The following ALG13 variants were observed in gnomAD, a reference collection of about 807,000 sequenced individuals.
ALG13 encodes the protein UDP-N-acetylglucosamine transferase subunit ALG13.
A neutral mutation model predicts 87.8 loss-of-function variants in ALG13; 11 were observed. That is an observed-to-expected ratio of 0.13 (90% CI 0.08 to 0.21). The LOEUF (loss-of-function observed/expected upper bound fraction) is 0.21. Among genes scored for constraint, ALG13 ranks in the 10% least tolerant of loss-of-function variants. The pLI is 1.00. For missense variants in ALG13, 756 were observed against 866.1 expected, an observed-to-expected ratio of 0.87 and a Z score of 1.60; for synonymous variants, 320 against 306.3, an observed-to-expected ratio of 1.04 and a Z score of -0.47.
rs1267769567 is a variant in ALG13 at position 111,681,242 on chromosome X, A to T, written c.24A>T (p.Val8=). 1 of 1,210,915 alleles carries T rather than the reference A, an allele frequency of 8.3e-7. No individual in the cohort carries two copies. Among genetic ancestry groups the T allele is most frequent in the African/African-American group, 1.7e-5 (1 of 57,515 alleles). The change falls in exon 1 of 27, where the codon GTA becomes GTT. Residue 8 remains valine, a synonymous_variant. Coordinates refer to ENST00000394780, the MANE Select transcript of ALG13 (RefSeq NM_001099922.3). The part of the protein sequence containing the change: MKCVFVT[V]GTTSFDDLIA... ...CCATGAAGTGCGTGTTTGTTACCGT[A>T]GGGACCACCAGCTTTGACGACCTCA...
At chrX:111,744,637 A>T (rs1210536459) in intron 23 of ALG13, 31 bp from the exon 24 acceptor site, 8 of 1,164,284 alleles carry the variant, frequency 6.9e-6, no homozygotes, top group Middle Eastern at 2.3e-4. Context: ...ATAGTTGTGT[A>T]TTGCTACTTT....
chrX:111,686,289 T>A, intron 3 of ALG13: 1 of 366,260 alleles, frequency 2.7e-6, no homozygotes, highest in Non-Finnish European at 4.1e-6. Context: ...TACATTATAG[T>A]AAAATGAAAT....
At chrX:111,755,993 G>T (rs1679744916) in intron 25 of ALG13, among the ~76,000 whole-genome samples, 1 of 112,340 alleles carries the variant, frequency 8.9e-6, no homozygotes, top group Non-Finnish European at 1.9e-5. Context: ...TATTCACAAT[G>T]CCAAAGACTT....
At chrX:111,706,967 ATGT>A (rs972158001) in intron 3 of ALG13, among the ~76,000 whole-genome samples, 1 of 110,098 alleles carries the variant, frequency 9.1e-6, no homozygotes, top group African/African-American at 3.3e-5. Context: ...AAGCAGCTTA[ATGT>A]TGTGCCTTCT....
chrX:111,752,088 A>T (rs899715588), intron 24 of ALG13, among the ~76,000 whole-genome samples: 5 of 111,821 alleles, frequency 4.5e-5, no homozygotes, highest in African/African-American at 1.6e-4. Flanking sequence ...AGTGAGTATT[A>T]GTCTGTACTG....
chrX:111,707,515 A>C (rs966173940), intron 3 of ALG13, among the ~76,000 whole-genome samples: 1 of 111,885 alleles, frequency 8.9e-6, no homozygotes, highest in African/African-American at 3.2e-5. Flanking sequence ...TAGCCTTGGC[A>C]CTTAGCTTGA....
At chrX:111,681,554 C>CT in intron 1 of ALG13, 1 of 961,302 alleles carries the variant, frequency 1.0e-6, no homozygotes, top group African/African-American at 2.0e-5. Context: ...TCTTCAGCTC[C>CT]TTTTCCGGTC....
At chrX:111,683,791 A>G (rs1934206580) in intron 2 of ALG13, among the ~76,000 whole-genome samples, 1 of 112,184 alleles carries the variant, frequency 8.9e-6, no homozygotes. Flanking sequence ...TTGCATATTC[A>G]TGGAGATCTA....
chrX:111,727,747 G>C lies in ALG13; in HGVS notation c.2224G>C (p.Glu742Gln). ...TTTTTATGAAGTTGAAGAAGGGGATGAGACTGCTTATCCAACTTTACCTGT... is the reference window on the plus strand; with the variant it reads ...TTTTTATGAAGTTGAAGAAGGGGATCAGACTGCTTATCCAACTTTACCTGT... ...ITFYEVEEGD[E>Q]TAYPTLPNHG... Residue 742 changes from glutamate to glutamine, a missense_variant, in exon 18 of 27, where the codon GAG becomes CAG. Coordinates refer to ENST00000394780, the MANE Select transcript of ALG13 (RefSeq NM_001099922.3). The C allele has an allele frequency of 8.3e-7, 1 of 1,207,039 alleles. No homozygotes were observed. The highest frequency in any genetic ancestry group is 1.1e-6 in the Non-Finnish European group (1 of 893,758).
intron 26 of ALG13, 68 bp from the exon 27 acceptor site, chrX:111,759,666 T>TA: frequency 1.1e-6 from 1 of 933,448 alleles, no homozygotes; most frequent in Non-Finnish European, 1.5e-6. Context: ...CATCCATTTA[T>TA]GTTGCATGGG....
chrX:111,703,952 G>T lies in ALG13; in HGVS notation c.384-4075G>T, dbSNP rs1938327651. ...AAACTGTTAAACTATTTTCCACAGT[G>T]GTTGTACTATTTTACATTCCCACTA... On this transcript the variant is annotated intron_variant, in intron 3 of 26. Transcript: ENST00000394780. Among the ~76,000 whole-genome samples the T allele has an allele frequency of 2.7e-5, 3 of 112,148 alleles. No individual in the cohort carries two copies. In the South Asian group the frequency reaches 1.1e-3, roughly 41 times the overall value.
chrX:111,748,544 A>G (rs1896405637), intron 24 of ALG13, among the ~76,000 whole-genome samples: 2 of 111,493 alleles, frequency 1.8e-5, no homozygotes, highest in South Asian at 7.5e-4. Context: ...CTTATTGGCC[A>G]TTTGCATATT....
chrX:111,743,412 A>T (rs986420286), intron 23 of ALG13, among the ~76,000 whole-genome samples: 4 of 112,184 alleles, frequency 3.6e-5, no homozygotes, highest in African/African-American at 1.3e-4. Flanking sequence ...AGCAAGCTTT[A>T]AAAACTTACT....
intron 3 of ALG13, among the ~76,000 whole-genome samples, chrX:111,697,703 A>C (rs1254993294): frequency 8.9e-6 from 1 of 112,446 alleles, no homozygotes; most frequent in African/African-American, 3.2e-5. Context: ...ACTAATCTGC[A>C]GAATGGAACC....
Position 111,718,291 on chromosome X carries a change from G to C in ALG13, c.1250+17G>C. ...TCAGAATAGGTAATAAAGGGAAAGG[G>C]GATATCATGATAATTATGTTTCATA... On this transcript the variant is annotated intron_variant, in intron 10 of 26. Coordinates refer to ENST00000394780, the MANE Select transcript of ALG13 (RefSeq NM_001099922.3). 1 of 1,159,531 alleles carries C rather than the reference G, an allele frequency of 8.6e-7. No homozygotes were observed. The highest frequency in any genetic ancestry group is 1.2e-6 in the Non-Finnish European group (1 of 862,031).
rs1350544351 is a variant in ALG13 at position 111,736,758 on chromosome X, T to G, written c.2574T>G (p.Asn858Lys). 1 of 1,211,036 alleles carries G rather than the reference T, an allele frequency of 8.3e-7. No homozygotes were observed. The highest frequency in any genetic ancestry group is 1.1e-6 in the Non-Finnish European group (1 of 895,016). Residue 858 changes from asparagine to lysine, a missense_variant, in exon 23 of 27, where the codon AAT becomes AAG. Coordinates refer to ENST00000394780, the MANE Select transcript of ALG13 (RefSeq NM_001099922.3). ...CAGTTGCAGCTTCCTGTGCCAATAA[T>G]GTTCCAGCTCCAGTCTTATCTAACG... ...IAAVAASCANNVPAPVLSNGA... is the reference protein window; with the variant it reads ...IAAVAASCANKVPAPVLSNGA...
intron 24 of ALG13, among the ~76,000 whole-genome samples, chrX:111,747,046 A>G (rs1018805089): frequency 1.8e-5 from 2 of 112,101 alleles, no homozygotes; most frequent in African/African-American, 6.5e-5. Context: ...ATTTGATACA[A>G]TGATGAACCT....
chrX:111,694,280 C>T (rs890934655), intron 3 of ALG13, among the ~76,000 whole-genome samples: 7 of 110,511 alleles, frequency 6.3e-5, no homozygotes, highest in Non-Finnish European at 1.3e-4. Context: ...CTCCTGACCT[C>T]GTGATCCACC....
At chrX:111,691,162 G>A (rs1187968832) in intron 3 of ALG13, among the ~76,000 whole-genome samples, 1 of 111,076 alleles carries the variant, frequency 9.0e-6, no homozygotes, top group Admixed American at 9.6e-5. Flanking sequence ...GTGCAATGGC[G>A]TGATCTCGGC....
Sources: gnomAD v4.1 joint callset for allele counts (sites outside exome capture counted in the v4.1 genomes callset) on GRCh38, gnomAD v4.1.1 for gene constraint, MANE v1.5 for transcripts, NCBI Gene and HGNC (gene_info 2026-07-23, HGNC 2026-07-21) for gene names.